FER: variants seen among roughly 807,000 people sequenced by gnomAD.
FER encodes FER tyrosine kinase.
FER carries 63 observed loss-of-function variants against 111.0 expected under a neutral mutation model. That is an observed-to-expected ratio of 0.57 (90% confidence interval 0.46 to 0.70). The LOEUF (loss-of-function observed/expected upper bound fraction) is 0.70. Ranked by LOEUF, FER falls within the 30% of genes least tolerant of loss-of-function variation. The pLI, the probability that FER is intolerant of heterozygous loss-of-function variation, is 0.00. For synonymous variants in FER, 327 were observed against 313.9 expected (o/e 1.04, Z -0.44); for missense variants, 914 against 954.0 (o/e 0.96, Z 0.55).
intron 1 of FER, among the ~76,000 whole-genome samples, chr5:108,762,273 T>C (rs1751844720): frequency 3.9e-5 from 6 of 152,188 alleles, no homozygotes; most frequent in Admixed American, 3.9e-4. Flanking sequence ...TCCATCTTTG[T>C]TTTTGCCCTG....
At chr5:109,029,464 G>GTCCCACTTTT (rs1178426189) in intron 13 of FER, among the ~76,000 whole-genome samples, 1 of 116,034 alleles carries the variant, frequency 8.6e-6, no homozygotes, top group African/African-American at 3.3e-5. Flanking sequence ...TAGAGAAAGA[G>GTCCCACTTTT]TCCCACTTTG....
At chr5:109,085,040 C>T (rs920402662) in intron 16 of FER, among the ~76,000 whole-genome samples, 16 of 151,734 alleles carry the variant, frequency 1.1e-4, no homozygotes, top group African/African-American at 2.9e-4. Flanking sequence ...TCTTCTGCAA[C>T]GTTTTTTCTA....
At chr5:108,992,673 C>T (rs1370816872) in intron 13 of FER, among the ~76,000 whole-genome samples, 3 of 143,730 alleles carry the variant, frequency 2.1e-5, no homozygotes, top group Non-Finnish European at 3.1e-5. Flanking sequence ...GCTGGCCTGG[C>T]GGGGGCTGAC....
chr5:109,147,683 A>G (rs531217739), intron 17 of FER, among the ~76,000 whole-genome samples: 2 of 151,950 alleles, frequency 1.3e-5, no homozygotes, highest in African/African-American at 4.8e-5. Flanking sequence ...GGCAGGCCAG[A>G]TGTTAGAATC....
intron 17 of FER, among the ~76,000 whole-genome samples, chr5:109,132,050 T>C (rs545087905): frequency 5.9e-5 from 9 of 152,166 alleles, no homozygotes; most frequent in Non-Finnish European, 8.8e-5. Context: ...CTACAGTAAA[T>C]ATGCAACAAG....
chr5:109,185,599 AG>A (rs1445816871), intron 18 of FER, among the ~76,000 whole-genome samples: 1 of 152,156 alleles, frequency 6.6e-6, no homozygotes, highest in Non-Finnish European at 1.5e-5. Context: ...CCACAGAGAA[AG>A]TAAGCTTGCA....
intron 9 of FER, among the ~76,000 whole-genome samples, chr5:108,890,062 A>G (rs912046866): frequency 6.6e-6 from 1 of 151,978 alleles, no homozygotes; most frequent in African/African-American, 2.4e-5. Flanking sequence ...TTCCATCACT[A>G]CAAGGATCTC....
chr5:108,865,056 C>A (rs1041022341), intron 5 of FER, among the ~76,000 whole-genome samples: 2 of 152,102 alleles, frequency 1.3e-5, no homozygotes, highest in Non-Finnish European at 2.9e-5. Flanking sequence ...TGTTGTTCTC[C>A]TTGAAGAGGT....
At chr5:108,912,210 C>T (rs1234947910) in intron 10 of FER, among the ~76,000 whole-genome samples, 6 of 152,102 alleles carry the variant, frequency 3.9e-5, no homozygotes, top group Non-Finnish European at 8.8e-5. Flanking sequence ...AGTGTGAAAA[C>T]GGACTAATAC....
rs1435819765 is a variant in FER, at chr5:108,788,123, G to A, written c.-59-10001G>A. The stretch of plus-strand genomic sequence containing the variant: ...TGACATGCTGTAACACCCTTTTTGG[G>A]ACTCTGTGGTTCCTGGTATCTCTGA... On this transcript the variant is annotated intron_variant, in intron 2 of 19. Transcript: ENST00000281092. 9.2e-5 allele frequency among the ~76,000 whole-genome samples: 14 copies of A among 152,300 alleles called. No homozygotes were observed. In the East Asian group the frequency reaches 2.7e-3, roughly 29 times the overall value.
intron 16 of FER, among the ~76,000 whole-genome samples, chr5:109,083,317 A>C (rs1348097343): frequency 6.6e-6 from 1 of 152,048 alleles, no homozygotes; most frequent in Non-Finnish European, 1.5e-5. Context: ...TCCAGTTCTT[A>C]ATGAAAATAT....
At chr5:109,136,400 C>G (rs1043754632) in intron 17 of FER, among the ~76,000 whole-genome samples, 1 of 151,974 alleles carries the variant, frequency 6.6e-6, no homozygotes, top group Non-Finnish European at 1.5e-5. Context: ...TATAAAAAAT[C>G]GTGTTTTAAT....
At position 109,195,003 on chromosome 5, in the gene FER, G is replaced by C. The variant is rs900654797; in HGVS notation, c.*7428G>C. ...GGTATTACTGAGATCCTAGGTAAAA[G>C]AACCAGCCTGGCAGTCTTTCCCACC... On this transcript the variant is annotated 3_prime_UTR_variant, in exon 20 of 20. Transcript: ENST00000281092. 7 of 152,172 alleles carry C rather than the reference G, an allele frequency of 4.6e-5. No homozygotes were observed. Among genetic ancestry groups the C allele is most frequent in the African/African-American group, 7.2e-5 (3 of 41,442 alleles). 9.4% of individuals were successfully genotyped at this position (152,172 alleles called of 1,614,324 possible).
chr5:108,979,414 A>G (rs1761768325), intron 13 of FER, among the ~76,000 whole-genome samples: 1 of 152,198 alleles, frequency 6.6e-6, no homozygotes, highest in African/African-American at 2.4e-5. Flanking sequence ...ATTAACTCCA[A>G]AATAAAGAAA....
intron 5 of FER, among the ~76,000 whole-genome samples, chr5:108,850,296 A>G (rs891721727): frequency 6.6e-6 from 1 of 151,764 alleles, no homozygotes; most frequent in Non-Finnish European, 1.5e-5. Flanking sequence ...TGATATCTAT[A>G]ATATACTTTT....
In FER at chr5:109,180,893, T is replaced by C. The variant is rs780467459; in HGVS notation, c.2195T>C (p.Leu732Pro). Residue 732 changes from leucine to proline, a missense_variant, in exon 18 of 20, where the codon CTT becomes CCT. This residue lies in a region of FER where 134 missense variants were observed against 149.4 expected (regional missense o/e 0.90). Transcript: ENST00000281092. Reference protein sequence around the residue: ...IPIKWTAPEALNYGRYSSESD... With the variant: ...IPIKWTAPEAPNYGRYSSESD... ...ATTAAATGGACAGCACCGGAAGCTC[T>C]TAATTATGGTAAGAATAGACCACAT... 3 of 1,606,242 alleles carry C rather than the reference T, an allele frequency of 1.9e-6. No individual in the cohort carries two copies. Among genetic ancestry groups the C allele is most frequent in the Non-Finnish European group, 1.7e-6 (2 of 1,177,550 alleles).
intron 13 of FER, among the ~76,000 whole-genome samples, chr5:108,992,624 CG>C (rs538149908): frequency 6.9e-6 from 1 of 145,758 alleles, no homozygotes; most frequent in African/African-American, 2.5e-5. Flanking sequence ...GCTGGCCGGG[CG>C]GGGGGCTGAC....
chr5:108,951,636 TA>T (rs1757766744), intron 11 of FER, among the ~76,000 whole-genome samples: 1 of 152,206 alleles, frequency 6.6e-6, no homozygotes, highest in South Asian at 2.1e-4. Context: ...ATTCAGAATT[TA>T]AAAAAGTTTG....
intron 1 of FER, among the ~76,000 whole-genome samples, chr5:108,751,043 T>G (rs1014190896): frequency 4.6e-5 from 7 of 151,692 alleles, no homozygotes; most frequent in African/African-American, 1.7e-4. Context: ...AAATACAAAA[T>G]TAGCCGGGCA....
Sources: allele counts gnomAD v4.1 joint callset (sites outside exome capture counted in the v4.1 genomes callset), GRCh38; gene constraint gnomAD v4.1.1; regional missense constraint gnomAD v4.1.1; transcripts MANE v1.5; gene names NCBI Gene and HGNC (gene_info 2026-07-23, HGNC 2026-07-21).